FBXW4: variants seen among roughly 807,000 people sequenced by gnomAD.
The protein encoded by FBXW4 is F-box/WD repeat-containing protein 4.
Under a neutral mutation model 61.8 loss-of-function variants are expected in FBXW4, and 40 were observed. That is an observed-to-expected ratio of 0.65 (90% CI 0.50 to 0.84). The LOEUF is 0.84. Among genes scored for constraint, FBXW4 ranks in the 40% least tolerant of loss-of-function variants. FBXW4 has a pLI of 0.00. For synonymous variants in FBXW4, 311 were observed against 313.8 expected, an observed-to-expected ratio of 0.99 and a Z score of 0.10; for missense variants, 672 against 753.8, an observed-to-expected ratio of 0.89 and a Z score of 1.27.
At chr10:101,618,028 A>G (rs558257223) in intron 6 of FBXW4, among the ~76,000 whole-genome samples, 58 of 152,376 alleles carry the variant, frequency 3.8e-4, no homozygotes, top group African/African-American at 1.4e-3. Context: ...GCCAGGGCAG[A>G]CAAAGCCACA....
chr10:101,684,177 G>A (rs2064508008), intron 1 of FBXW4, among the ~76,000 whole-genome samples: 1 of 152,096 alleles, frequency 6.6e-6, no homozygotes, highest in Non-Finnish European at 1.5e-5. Flanking sequence ...AGGCTGGAGT[G>A]CAATGGCACA....
chr10:101,615,982 G>A (rs151196822), intron 6 of FBXW4, among the ~76,000 whole-genome samples: 134 of 152,264 alleles, frequency 8.8e-4, no homozygotes, highest in African/African-American at 3.1e-3. Context: ...CAGCATGTCC[G>A]TGGCTCCCAC....
At chr10:101,679,817 C>T (rs532880068) in intron 1 of FBXW4, among the ~76,000 whole-genome samples, 2 of 152,142 alleles carry the variant, frequency 1.3e-5, no homozygotes, top group South Asian at 4.2e-4. Context: ...GAAGTCTGGA[C>T]TTTTAGTATG....
intron 1 of FBXW4, among the ~76,000 whole-genome samples, chr10:101,681,534 A>T (rs1268319487): frequency 6.7e-6 from 1 of 150,252 alleles, no homozygotes; most frequent in African/African-American, 2.4e-5. Flanking sequence ...TGGCTAACGC[A>T]GTGAAACCCC....
In FBXW4 at chr10:101,611,452, G is replaced by A. The variant is rs373561732; in HGVS notation, c.1585-42C>T. The A allele has an allele frequency of 1.3e-6, 2 of 1,599,024 alleles. No individual in the cohort carries two copies. The highest frequency in any genetic ancestry group is 1.7e-6 in the Non-Finnish European group (2 of 1,171,302). On this transcript the variant is annotated intron_variant, in intron 8 of 8. Coordinates refer to ENST00000331272, the MANE Select transcript of FBXW4 (RefSeq NM_022039.4). This position sits in a 1 kb window ranked among gnomAD's most constrained non-coding sequence, Gnocchi z 4.9. ...AGGAAGTGGTAAGAGCTTTCCAAGT[G>A]GGACATGGGTGTGCCCTAACCCAGG... is the stretch of plus-strand genomic sequence containing the variant.
chr10:101,619,200 G>A (rs1000834011), intron 6 of FBXW4, among the ~76,000 whole-genome samples: 2 of 152,208 alleles, frequency 1.3e-5, no homozygotes, highest in African/African-American at 4.8e-5. Context: ...TGAAGATACC[G>A]GAATTCCTGG....
intron 6 of FBXW4, 52 bp from the exon 7 acceptor site, chr10:101,612,529 T>C: frequency 6.9e-7 from 1 of 1,444,748 alleles, no homozygotes; most frequent in Non-Finnish European, 9.2e-7. Context: ...TCATACACAT[T>C]CGTTCCACCT....
rs746069662 is a variant in FBXW4, at chr10:101,692,100, CAG to C, written c.725+2279_725+2280del. On this transcript the variant is annotated intron_variant, in intron 1 of 8. Transcript: ENST00000331272. ...AAAAGTACAGAATTTTTTTTTTTGACAGAGAGTTGAACAGAAGTGTAGAAGTG... is the reference window on the plus strand; with the variant it reads ...AAAAGTACAGAATTTTTTTTTTTGACAGAGTTGAACAGAAGTGTAGAAGTG... 9.1e-4 allele frequency among the ~76,000 whole-genome samples: 137 copies of C among 150,974 alleles called. 1 individual carries two copies. Among genetic ancestry groups the C allele is most frequent in the Non-Finnish European group, 1.7e-3 (114 of 67,768 alleles).
chr10:101,669,393 A>G (rs2064337319), intron 4 of FBXW4, among the ~76,000 whole-genome samples: 1 of 152,180 alleles, frequency 6.6e-6, no homozygotes, highest in South Asian at 2.1e-4. Flanking sequence ...CCTGGGAGGC[A>G]GATTCTTTCT....
At chr10:101,660,056 C>G in intron 5 of FBXW4, 1 of 984,828 alleles carries the variant, frequency 1.0e-6, no homozygotes, top group Non-Finnish European at 1.2e-6. Context: ...CCCTTTCCTA[C>G]CTGCCCCATG....
intron 1 of FBXW4, among the ~76,000 whole-genome samples, chr10:101,685,800 G>T (rs1254116301): frequency 6.6e-6 from 1 of 152,186 alleles, no homozygotes; most frequent in Non-Finnish European, 1.5e-5. Flanking sequence ...CATGGTCCTA[G>T]CATAATAGGT....
chr10:101,655,842 C>A (rs2064180611), intron 5 of FBXW4, among the ~76,000 whole-genome samples: 1 of 152,214 alleles, frequency 6.6e-6, no homozygotes, highest in South Asian at 2.1e-4. Context: ...TACATCTGGA[C>A]AGCATCCTAG....
intron 5 of FBXW4, among the ~76,000 whole-genome samples, chr10:101,650,863 G>A (rs1005218488): frequency 6.6e-6 from 1 of 152,190 alleles, no homozygotes; most frequent in East Asian, 1.9e-4. Flanking sequence ...GGGCAGAGGG[G>A]GAGCACACAT....
intron 5 of FBXW4, among the ~76,000 whole-genome samples, chr10:101,643,739 T>G (rs1395167833): frequency 6.6e-6 from 1 of 151,972 alleles, no homozygotes; most frequent in African/African-American, 2.4e-5. Flanking sequence ...CCCTCCCTCT[T>G]CCCTCCCACG....
At chr10:101,678,382 TG>T (rs2064438040) in intron 1 of FBXW4, among the ~76,000 whole-genome samples, 2 of 152,224 alleles carry the variant, frequency 1.3e-5, no homozygotes, top group Non-Finnish European at 2.9e-5. Context: ...CTGCCATGTC[TG>T]CCTGGAAATT....
At chr10:101,644,299 C>A (rs1304457902) in intron 5 of FBXW4, among the ~76,000 whole-genome samples, 2 of 152,042 alleles carry the variant, frequency 1.3e-5, no homozygotes, top group African/African-American at 2.4e-5. Context: ...CTGGTGGGGG[C>A]AGCTGGGACT....
In FBXW4 at chr10:101,673,039, T is replaced by C; in HGVS notation, c.1016A>G (p.Lys339Arg). ...GCTGTGAATCTTATGAATGCCAATC[T>C]TCCCATCCCTAGGAGAGAAATAAGG... ...SHIVSAGGDG[K>R]IGIHKIHSTF... Residue 339 changes from lysine (K) to arginine (R), a missense_variant, in exon 4 of 9, where the codon AAG becomes AGG. By Grantham distance (26) the Lys-to-Arg change is conservative. This residue lies in a region of FBXW4 where 312 missense variants were observed against 370.1 expected (regional missense o/e 0.84). Coordinates refer to ENST00000331272, the MANE Select transcript of FBXW4 (RefSeq NM_022039.4). 6.2e-7 allele frequency: 1 copy of C among 1,614,012 alleles called. No individual in the cohort carries two copies. The highest frequency in any genetic ancestry group is 8.5e-7 in the Non-Finnish European group (1 of 1,179,998).
At chr10:101,654,285 A>G (rs1390835120) in intron 5 of FBXW4, among the ~76,000 whole-genome samples, 1 of 152,134 alleles carries the variant, frequency 6.6e-6, no homozygotes, top group African/African-American at 2.4e-5. Context: ...AATGTTCTCA[A>G]ATGGAATTGT....
In FBXW4 at chr10:101,611,886, G is replaced by A. The variant is rs1452964299; in HGVS notation, c.1443-117C>T. On this transcript the variant is annotated intron_variant, in intron 7 of 8. Coordinates refer to ENST00000331272, the MANE Select transcript of FBXW4 (RefSeq NM_022039.4). This position sits in a 1 kb window ranked among gnomAD's most constrained non-coding sequence, Gnocchi z 4.9. ...TAAGGAGCCATTCCGGGATGGAAGA[G>A]AAAGAAGCCTAAATCATCAGATTCA... 3 of 1,225,244 alleles carry A rather than the reference G, an allele frequency of 2.4e-6. No homozygotes were observed. Among genetic ancestry groups the A allele is most frequent in the Non-Finnish European group, 3.3e-6 (3 of 902,684 alleles). 75.9% of individuals were successfully genotyped at this position (1,225,244 alleles called of 1,614,324 possible).
Sources: gnomAD v4.1 joint callset for allele counts (sites outside exome capture counted in the v4.1 genomes callset) on GRCh38, gnomAD v4.1.1 for gene constraint, gnomAD v4.1.1 regional missense constraint, Gnocchi (gnomAD v3.1) non-coding constraint, MANE v1.5 for transcripts, NCBI Gene and HGNC (gene_info 2026-07-23, HGNC 2026-07-21) for gene names.